BRSK2: variants seen among roughly 807,000 people sequenced by gnomAD.
The protein encoded by BRSK2 is serine/threonine-protein kinase BRSK2.
BRSK2 carries 19 observed loss-of-function variants against 83.3 expected under a neutral mutation model. The observed-to-expected ratio is 0.23, with a 90% confidence interval of 0.16 to 0.33. The LOEUF is 0.33. BRSK2 is among the 10% of genes least tolerant of loss of function. The probability of loss-of-function intolerance (pLI) is 1.00; values close to 1 mark genes in which losing one functional copy is unlikely to be tolerated. For missense variants in BRSK2, 798 were observed against 1,042.3 expected (o/e 0.77, Z 3.23); for synonymous variants, 519 against 435.4 (o/e 1.19, Z -2.39).
At chr11:1,445,164 A>C in intron 9 of BRSK2, 130 bp from the exon 10 acceptor site, 1 of 1,461,166 alleles carries the variant, frequency 6.8e-7, no homozygotes, top group Non-Finnish European at 9.4e-7. Context: ...AGGACGCAGG[A>C]GGCCTCCCCG....
intron 1 of BRSK2, among the ~76,000 whole-genome samples, chr11:1,400,205 G>A (rs1057484744): frequency 6.6e-6 from 1 of 152,334 alleles, no homozygotes; most frequent in East Asian, 1.9e-4. Flanking sequence ...GTGGGCAGGC[G>A]CTGGGCTCTG....
rs1847543793 is a variant in BRSK2, at chr11:1,461,901, A to C, written c.*1178A>C. 6.6e-6 allele frequency: 1 copy of C among 150,882 alleles called. No homozygotes were observed. Among genetic ancestry groups the C allele is most frequent in the African/African-American group, 2.4e-5 (1 of 40,872 alleles). 9.3% of individuals were successfully genotyped at this position (150,882 alleles called of 1,614,324 possible). On this transcript the variant is annotated 3_prime_UTR_variant, in exon 20 of 20. Coordinates refer to ENST00000528841, the MANE Select transcript of BRSK2 (RefSeq NM_001256627.2). ...TCATGGGTTCCGTCTCTCTGTGGAG[A>C]AGCAGCTCCACCTCTGGGGGGGCTC...
intron 1 of BRSK2, among the ~76,000 whole-genome samples, chr11:1,422,815 G>A (rs1848763223): frequency 6.6e-6 from 1 of 152,158 alleles, no homozygotes; most frequent in Admixed American, 6.5e-5. Flanking sequence ...CACTCCCCAA[G>A]CCAGGACCGA....
At chr11:1,448,560 G>A (rs916495021) in intron 12 of BRSK2, among the ~76,000 whole-genome samples, 12 of 151,862 alleles carry the variant, frequency 7.9e-5, no homozygotes, top group African/African-American at 1.5e-4. Context: ...GGTTTCCAGC[G>A]CCTCTTCTGT....
Position 1,417,532 on chromosome 11 carries a change from G to A in BRSK2, c.92-18508G>A, listed in dbSNP as rs571060726. 1.2e-4 allele frequency among the ~76,000 whole-genome samples: 18 copies of A among 150,014 alleles called. No individual in the cohort carries two copies. The East Asian group carries it at 3.6e-3, about 30-fold the overall frequency. ...TTCTCTTGAGAGTGGGTCACACTGT[G>A]TCATGCTTCTGTGGGCTGTTTCTTC... On this transcript the variant is annotated intron_variant, in intron 1 of 19. Coordinates refer to ENST00000528841, the MANE Select transcript of BRSK2 (RefSeq NM_001256627.2).
At chr11:1,422,823 C>T (rs866128625) in intron 1 of BRSK2, among the ~76,000 whole-genome samples, 2 of 152,124 alleles carry the variant, frequency 1.3e-5, no homozygotes, top group Non-Finnish European at 2.9e-5. Context: ...AAGCCAGGAC[C>T]GAGGGGGTGA....
At chr11:1,398,040 C>T (rs541830118) in intron 1 of BRSK2, among the ~76,000 whole-genome samples, 9 of 152,188 alleles carry the variant, frequency 5.9e-5, no homozygotes, top group African/African-American at 1.2e-4. Context: ...CGTGATACAG[C>T]GGGGATGGCT....
chr11:1,408,760 C>T (rs1488431643), intron 1 of BRSK2, among the ~76,000 whole-genome samples: 1 of 104,544 alleles, frequency 9.6e-6, no homozygotes, highest in Non-Finnish European at 2.1e-5. Context: ...TCTGCCTGTG[C>T]AGGGGTGTGT....
At chr11:1,444,701 C>G (rs1439475922) in intron 8 of BRSK2, among the ~76,000 whole-genome samples, 1 of 151,784 alleles carries the variant, frequency 6.6e-6, no homozygotes. Flanking sequence ...CTGGAGCACC[C>G]CCTCCGACTC....
chr11:1,458,056 C>T (rs572270563), intron 18 of BRSK2, among the ~76,000 whole-genome samples: 2 of 152,252 alleles, frequency 1.3e-5, no homozygotes, highest in African/African-American at 4.8e-5. Flanking sequence ...AAGCCTTCAT[C>T]TTAGGAAGGG....
At chr11:1,460,074 C>T (rs1465172253) in intron 19 of BRSK2, among the ~76,000 whole-genome samples, 4 of 114,756 alleles carry the variant, frequency 3.5e-5, no homozygotes, top group Non-Finnish European at 5.1e-5. Context: ...TCGGCCCTCA[C>T]GGCTGCAAGG....
rs1374313361 is a variant in BRSK2 at position 1,461,829 on chromosome 11, CCTG to C, written c.*1109_*1111del. On this transcript the variant is annotated 3_prime_UTR_variant, in exon 20 of 20. Transcript: ENST00000528841. ...AGGTTTTGTGTTTTAGTCCCTTGCTCCTGCTTCTTTCTACACACACATCTAAAG... is the reference window on the plus strand; with the variant it reads ...AGGTTTTGTGTTTTAGTCCCTTGCTCCTTCTTTCTACACACACATCTAAAG... 3 of 152,124 alleles carry C rather than the reference CCTG, an allele frequency of 2.0e-5. No homozygotes were observed. The East Asian group carries it at 5.8e-4, about 30-fold the overall frequency. The allele number at this position is 152,124 out of a possible 1,614,324, so 9.4% of individuals were successfully genotyped here.
rs755513724 is a variant in BRSK2, at chr11:1,456,707, G to C, written c.1939+20G>C. ...TGTCAGGTGAGGCGGGCTCAGCTCC[G>C]GCCAACCTGCGGCCTGCGAGTGGGG... On this transcript the variant is annotated intron_variant, in intron 18 of 19. Coordinates refer to ENST00000528841, the MANE Select transcript of BRSK2 (RefSeq NM_001256627.2). 2 of 1,574,098 alleles carry C rather than the reference G, an allele frequency of 1.3e-6. No individual in the cohort carries two copies.
chr11:1,445,999 T>A, intron 12 of BRSK2, 92 bp downstream of exon 12: 2 of 1,465,344 alleles, frequency 1.4e-6, no homozygotes, highest in Non-Finnish European at 1.8e-6. Context: ...TGGCCTGGGG[T>A]CTCGGCTGAG....
chr11:1,436,159 G>A (rs752538466), intron 2 of BRSK2, 25 bp downstream of exon 2: 11 of 826,646 alleles, frequency 1.3e-5, no homozygotes, highest in Middle Eastern at 3.9e-4. Context: ...GGAGGGAGGC[G>A]GGGCCGGCGG....
chr11:1,460,737 C>A lies in BRSK2; in HGVS notation c.*14C>A, dbSNP rs1353144115. On this transcript the variant is annotated 3_prime_UTR_variant, in exon 20 of 20. Transcript: ENST00000528841. ...GAGCAGCCTTAGACACACTAGCCCCCCCCCCCAGCACAGCACTGACAGCGG... is the reference window on the plus strand; with the variant it reads ...GAGCAGCCTTAGACACACTAGCCCCACCCCCCAGCACAGCACTGACAGCGG... 3.6e-5 allele frequency: 51 copies of A among 1,411,998 alleles called. No homozygotes were observed. Among genetic ancestry groups the A allele is most frequent in the Middle Eastern group, 5.0e-4 (2 of 3,964 alleles). 87.5% of individuals were successfully genotyped at this position (1,411,998 alleles called of 1,614,324 possible).
At chr11:1,458,440 C>A (rs1036200856) in intron 18 of BRSK2, among the ~76,000 whole-genome samples, 1 of 152,132 alleles carries the variant, frequency 6.6e-6, no homozygotes, top group African/African-American at 2.4e-5. Flanking sequence ...TCTCGCTACG[C>A]CCAGCCCTTC....
chr11:1,412,067 CTGCGGTGGGTGGAG>C (rs1847584250), intron 1 of BRSK2, among the ~76,000 whole-genome samples: 1 of 3,968 alleles, frequency 2.5e-4, no homozygotes. Flanking sequence ...CCGCCCCGTC[CTGCGGTGGGTGGAG>C]TCTCAGCTGC....
intron 1 of BRSK2, among the ~76,000 whole-genome samples, chr11:1,433,492 G>T (rs1258988774): frequency 1.3e-5 from 2 of 152,262 alleles, no homozygotes; most frequent in Non-Finnish European, 2.9e-5. Context: ...AGGGTTTTTA[G>T]GGGCTCCATG....
Sources: gnomAD v4.1 joint callset for allele counts (sites outside exome capture counted in the v4.1 genomes callset) on GRCh38, gnomAD v4.1.1 for gene constraint, MANE v1.5 for transcripts, NCBI Gene and HGNC (gene_info 2026-07-23, HGNC 2026-07-21) for gene names.